SCN8A: variants seen among roughly 807,000 people sequenced by gnomAD.
SCN8A encodes sodium channel protein type 8 subunit alpha.
A neutral mutation model predicts 184.1 loss-of-function variants in SCN8A; 30 were observed. The ratio of observed to expected loss-of-function variants is 0.16; its 90% CI spans 0.12 to 0.22. The LOEUF (loss-of-function observed/expected upper bound fraction) is 0.22, where lower values mean the gene tolerates loss of function less well. SCN8A is among the 10% of genes least tolerant of loss of function. The pLI is 1.00. For missense variants in SCN8A, 1,057 were observed against 2,498.9 expected (o/e 0.42, Z 12.30); for synonymous variants, 852 against 907.0 (o/e 0.94, Z 1.09).
chr12:51,788,287 C>T lies in SCN8A; in HGVS notation c.4228-408C>T, dbSNP rs866955006. ...TTTTCCAACCCCCATCGCTTAACAC[C>T]TTTTTTTTTTTTTTTTTTTTTGCTT... On this transcript the variant is annotated intron_variant, in intron 22 of 26. Coordinates refer to ENST00000627620, the MANE Select transcript of SCN8A (RefSeq NM_001330260.2). Among the ~76,000 whole-genome samples, 44 of 84,006 alleles carry T rather than the reference C, an allele frequency of 5.2e-4. 1 individual carries two copies. Among genetic ancestry groups the T allele is most frequent in the Non-Finnish European group, 8.0e-4 (37 of 46,270 alleles). 55.1% of individuals were successfully genotyped at this position (84,006 alleles called of 152,430 possible). A position where few individuals can be genotyped will look rare whatever the true frequency, so the allele number is the denominator to read the frequency against.
At chr12:51,764,678 T>C (rs946989014) in intron 15 of SCN8A, among the ~76,000 whole-genome samples, 2 of 151,788 alleles carry the variant, frequency 1.3e-5, no homozygotes, top group Non-Finnish European at 2.9e-5. Context: ...AACACTCTGT[T>C]AGCCAAGATC....
Position 51,807,674 on chromosome 12 carries a change from C to G in SCN8A, c.*245C>G. 1.8e-6 allele frequency: 1 copy of G among 550,668 alleles called. No homozygotes were observed. Among genetic ancestry groups the G allele is most frequent in the Non-Finnish European group, 3.2e-6 (1 of 308,808 alleles). The allele number at this position is 550,668 out of a possible 1,614,324, so 34.1% of individuals were successfully genotyped here. ...TTGGGCAGGTGGTTACTGCATGTTCCACATCAGTCAATGCAACTTAGGACA... is the reference window on the plus strand; with the variant it reads ...TTGGGCAGGTGGTTACTGCATGTTCGACATCAGTCAATGCAACTTAGGACA... On this transcript the variant is annotated 3_prime_UTR_variant, in exon 27 of 27. Coordinates refer to ENST00000627620, the MANE Select transcript of SCN8A (RefSeq NM_001330260.2). The surrounding 1 kb of genome is among the most constrained non-coding windows in gnomAD (Gnocchi z 4.5).
intron 26 of SCN8A, among the ~76,000 whole-genome samples, chr12:51,799,548 T>G (rs1362188275): frequency 6.6e-6 from 1 of 152,164 alleles, no homozygotes; most frequent in Non-Finnish European, 1.5e-5. Context: ...TACCAAAGGC[T>G]CTAAACAGCA....
At chr12:51,804,420 G>A (rs1024905487) in intron 26 of SCN8A, among the ~76,000 whole-genome samples, 7 of 151,074 alleles carry the variant, frequency 4.6e-5, no homozygotes, top group East Asian at 3.9e-4. Flanking sequence ...CCAGGCTCAC[G>A]CAATTCTCCT....
Position 51,774,225 on chromosome 12 carries a change from A to G in SCN8A, c.3682A>G (p.Ile1228Val), listed in dbSNP as rs1195967527. 4 of 1,613,906 alleles carry G rather than the reference A, an allele frequency of 2.5e-6. No homozygotes were observed. Among genetic ancestry groups the G allele is most frequent in the Non-Finnish European group, 1.7e-6 (2 of 1,179,832 alleles). ...CATCTACATTGAGCAGAGAAAGACC[A>G]TCCGCACCATCCTGGAATATGCTGA... ...EDIYIEQRKT[I>V]RTILEYADKV... Residue 1228 changes from isoleucine to valine, a missense_variant, in exon 20 of 27, where the codon ATC (isoleucine) becomes GTC (valine). This residue lies in a region of SCN8A where 43 missense variants were observed against 118.4 expected (regional missense o/e 0.36). Transcript: ENST00000627620.
At chr12:51,724,258 C>T (rs1329089243) in intron 12 of SCN8A, among the ~76,000 whole-genome samples, 1 of 152,078 alleles carries the variant, frequency 6.6e-6, no homozygotes, top group African/African-American at 2.4e-5. Flanking sequence ...CCAGGCTGGC[C>T]AACATGGCAA....
chr12:51,688,839 G>A (rs1430830803), intron 5 of SCN8A, 166 bp from the exon 6 acceptor site: 5 of 1,612,920 alleles, frequency 3.1e-6, no homozygotes, highest in Non-Finnish European at 3.4e-6. Flanking sequence ...AAACTATTTC[G>A]GTAATCCCAG....
chr12:51,676,909 C>T (rs527815817), intron 2 of SCN8A, among the ~76,000 whole-genome samples: 1 of 152,066 alleles, frequency 6.6e-6, no homozygotes, highest in Non-Finnish European at 1.5e-5. Flanking sequence ...AAGAGCTGCT[C>T]TCCTGGGCCA....
At chr12:51,621,587 T>C (rs1203201334) in intron 1 of SCN8A, among the ~76,000 whole-genome samples, 1 of 152,248 alleles carries the variant, frequency 6.6e-6, no homozygotes, top group East Asian at 1.9e-4. Context: ...TATCTATTCA[T>C]GTATATGATG....
At chr12:51,617,876 G>T (rs1453728632) in intron 1 of SCN8A, among the ~76,000 whole-genome samples, 1 of 152,098 alleles carries the variant, frequency 6.6e-6, no homozygotes, top group Admixed American at 6.5e-5. Flanking sequence ...CCAGCTAGTG[G>T]CCAGTTTCAG....
chr12:51,593,139 T>G (rs1939267999), intron 1 of SCN8A, among the ~76,000 whole-genome samples: 1 of 152,136 alleles, frequency 6.6e-6, no homozygotes, highest in Non-Finnish European at 1.5e-5. Context: ...CCATAAGGCC[T>G]TCATTTCTCC....
intron 14 of SCN8A, among the ~76,000 whole-genome samples, chr12:51,755,710 G>C (rs1362242797): frequency 6.6e-6 from 1 of 152,118 alleles, no homozygotes; most frequent in Non-Finnish European, 1.5e-5. Context: ...CTTAGGACAT[G>C]ATGAGCTATT....
intron 20 of SCN8A, among the ~76,000 whole-genome samples, chr12:51,777,500 C>T (rs141027139): frequency 6.6e-5 from 10 of 152,080 alleles, no homozygotes; most frequent in Non-Finnish European, 1.3e-4. Context: ...TGATTCTTTC[C>T]TTAAAGAATA....
intron 2 of SCN8A, among the ~76,000 whole-genome samples, chr12:51,669,576 G>A (rs1017515275): frequency 3.3e-5 from 5 of 152,102 alleles, no homozygotes; most frequent in African/African-American, 1.2e-4. Flanking sequence ...CAGCCCAGAG[G>A]CCTCTTTTTC....
rs2138951991 is a variant in SCN8A, at chr12:51,810,693, G to GT, written c.*3264_*3265insT. On this transcript the variant is annotated 3_prime_UTR_variant, in exon 27 of 27. Coordinates refer to ENST00000627620, the MANE Select transcript of SCN8A (RefSeq NM_001330260.2). ...GAGCCAAAGCCACTGAGCAGCAGCT[G>GT]ACATGGTTGCTGGTTTGTGTGTGAA... 6.5e-6 allele frequency: 1 copy of GT among 153,432 alleles called. No individual in the cohort carries two copies. The highest frequency in any genetic ancestry group is 1.5e-5 in the Non-Finnish European group (1 of 68,962). 9.5% of individuals were successfully genotyped at this position (153,432 alleles called of 1,614,324 possible). A position where few individuals can be genotyped will look rare whatever the true frequency, so the allele number is the denominator to read the frequency against.
intron 1 of SCN8A, among the ~76,000 whole-genome samples, chr12:51,607,547 T>C (rs534754753): frequency 2.0e-4 from 31 of 152,200 alleles, no homozygotes; most frequent in Non-Finnish European, 3.4e-4. Flanking sequence ...CCCCATTCAG[T>C]ATTGTGTTGG....
At chr12:51,798,589 A>T (rs1411056838) in intron 26 of SCN8A, among the ~76,000 whole-genome samples, 1 of 152,176 alleles carries the variant, frequency 6.6e-6, no homozygotes. Context: ...GTGGGAGTCC[A>T]TGTTGGTGAG....
chr12:51,592,188 T>C (rs1303796739), intron 1 of SCN8A, among the ~76,000 whole-genome samples: 1 of 151,694 alleles, frequency 6.6e-6, no homozygotes, highest in African/African-American at 2.4e-5. Flanking sequence ...CCCAGCTCCG[T>C]GGGCTTGGAC....
At chr12:51,670,178 C>A (rs893252881) in intron 2 of SCN8A, among the ~76,000 whole-genome samples, 5 of 152,130 alleles carry the variant, frequency 3.3e-5, no homozygotes, top group African/African-American at 1.2e-4. Context: ...TGGTCTTGTC[C>A]CCTCTCTAAG....
Sources: allele counts gnomAD v4.1 joint callset (sites outside exome capture counted in the v4.1 genomes callset), GRCh38; gene constraint gnomAD v4.1.1; regional missense constraint gnomAD v4.1.1; non-coding constraint Gnocchi (gnomAD v3.1); transcripts MANE v1.5; gene names NCBI Gene and HGNC (gene_info 2026-07-23, HGNC 2026-07-21).